The following TRPM8 variants were observed in gnomAD, a reference collection of about 807,000 sequenced individuals.
TRPM8 encodes the protein transient receptor potential cation channel subfamily M member 8, also known as TRPM8 cationic channel.
A neutral mutation model predicts 133.7 loss-of-function variants in TRPM8; 110 were observed. That is an observed-to-expected ratio of 0.82 (90% CI 0.70 to 0.96). TRPM8 has a LOEUF of 0.96. TRPM8 is among the 40% of genes least tolerant of loss of function. The pLI is 0.00. For synonymous variants in TRPM8, 535 were observed against 532.3 expected (o/e 1.01, Z -0.07); for missense variants, 1,291 against 1,379.5 (o/e 0.94, Z 1.02).
At chr2:233,936,453 T>C (rs1028739390) in intron 3 of TRPM8, among the ~76,000 whole-genome samples, 13 of 152,362 alleles carry the variant, frequency 8.5e-5, no homozygotes, top group African/African-American at 2.6e-4. Context: ...CGTGTTCATT[T>C]ACCGCACAGT....
In TRPM8 at chr2:233,983,169, G is replaced by A. The variant is rs746520338; in HGVS notation, c.2706G>A (p.Ser902=). 9.9e-6 allele frequency: 16 copies of A among 1,614,014 alleles called. No individual in the cohort carries two copies. The highest frequency in any genetic ancestry group is 1.3e-5 in the African/African-American group (1 of 74,900). The change falls in exon 20 of 26, where the codon TCG becomes TCA. Residue 902 remains serine, a synonymous_variant. Coordinates refer to ENST00000324695, the MANE Select transcript of TRPM8 (RefSeq NM_024080.5). ...NEQRWRWIFR[S]VIYEPYLAMF... The stretch of plus-strand genomic sequence containing the variant: ...AGCGCTGGAGGTGGATATTCCGTTC[G>A]GTCATCTACGAGCCCTACCTGGCCA...
At chr2:233,977,455 G>A (rs1691898527) in intron 17 of TRPM8, among the ~76,000 whole-genome samples, 1 of 152,210 alleles carries the variant, frequency 6.6e-6, no homozygotes, top group African/African-American at 2.4e-5. Flanking sequence ...CTTCATGTAG[G>A]TCAGGCTTCT....
At chr2:233,938,628 T>C (rs1690822830) in intron 4 of TRPM8, among the ~76,000 whole-genome samples, 1 of 151,772 alleles carries the variant, frequency 6.6e-6, no homozygotes, top group South Asian at 2.1e-4. Flanking sequence ...AGGTCATAAG[T>C]AGATAAGAGA....
intron 23 of TRPM8, among the ~76,000 whole-genome samples, chr2:234,007,344 G>T (rs1358377811): frequency 6.6e-6 from 1 of 152,186 alleles, no homozygotes; most frequent in Admixed American, 6.5e-5. Flanking sequence ...ATTTATCTTT[G>T]TGGTGAAGAA....
At chr2:233,949,445 C>T (rs139230558) in intron 8 of TRPM8, among the ~76,000 whole-genome samples, 152 of 152,234 alleles carry the variant, frequency 1.0e-3, no homozygotes, top group African/African-American at 3.5e-3. Context: ...TTTTTAATAA[C>T]AGGAGCAGGG....
intron 5 of TRPM8, among the ~76,000 whole-genome samples, chr2:233,939,939 A>G (rs1366104846): frequency 6.6e-6 from 1 of 152,214 alleles, no homozygotes; most frequent in Non-Finnish European, 1.5e-5. Flanking sequence ...ACCATGGACC[A>G]GTACTGCTAT....
chr2:234,003,040 T>TGTA, intron 22 of TRPM8, among the ~76,000 whole-genome samples: 1 of 152,204 alleles, frequency 6.6e-6, no homozygotes, highest in African/African-American at 2.4e-5. Flanking sequence ...TGGTGGCAAT[T>TGTA]AAGAAAAATT....
In TRPM8 at chr2:233,942,071, C is replaced by CTGTTTTT. The variant is rs1553656129; in HGVS notation, c.527-504_527-503insGTTTTTT. Among the ~76,000 whole-genome samples the CTGTTTTT allele has an allele frequency of 1.7e-3, 191 of 111,660 alleles. 27 individuals are homozygous for CTGTTTTT. The highest frequency in any genetic ancestry group is 6.7e-3 in the African/African-American group (172 of 25,630). 73.3% of individuals were successfully genotyped at this position (111,660 alleles called of 152,430 possible). On this transcript the variant is annotated intron_variant, in intron 5 of 25. Transcript: ENST00000324695. ...GCAGATCTGGAATAGGGTCAAGAAT[C>CTGTTTTT]TTTTTTTTTTTTTTTTTTTTCTTTT... is the stretch of plus-strand genomic sequence containing the variant.
At chr2:234,012,448 C>T (rs75090001) in intron 24 of TRPM8, among the ~76,000 whole-genome samples, 30,947 of 150,502 alleles carry the variant, frequency 0.21, 3,382 homozygotes, top group Middle Eastern at 0.3. Context: ...GCCCAGCAGT[C>T]CTAACAGTTT....
At chr2:233,953,817 C>T (rs989816426) in intron 9 of TRPM8, 100 bp from the exon 10 acceptor site, 13 of 782,260 alleles carry the variant, frequency 1.7e-5, no homozygotes, top group Admixed American at 2.6e-5. Flanking sequence ...AACTCCACTA[C>T]AGGTGGTCTT....
chr2:233,983,493 G>C, intron 20 of TRPM8: 1 of 445,176 alleles, frequency 2.2e-6, no homozygotes, highest in South Asian at 2.1e-5. Flanking sequence ...TGTGGCAATT[G>C]AAGGCAACAA....
chr2:233,953,714 T>C, intron 9 of TRPM8: 1 of 424,558 alleles, frequency 2.4e-6, no homozygotes, highest in Non-Finnish European at 4.3e-6. Context: ...TCTCAGCTTT[T>C]TGATAGGGGC....
intron 2 of TRPM8, among the ~76,000 whole-genome samples, chr2:233,927,851 C>CTCT (rs1559516462): frequency 2.7e-5 from 1 of 37,586 alleles, no homozygotes; most frequent in Admixed American, 2.9e-4. Flanking sequence ...TTCCTTCCTT[C>CTCT]CTTTCTTTCT....
intron 21 of TRPM8, among the ~76,000 whole-genome samples, chr2:233,987,113 G>T (rs1387782142): frequency 6.6e-6 from 1 of 152,178 alleles, no homozygotes; most frequent in African/African-American, 2.4e-5. Context: ...TCCTAAAGGT[G>T]TATGTACAAA....
At position 233,983,454 on chromosome 2, in the gene TRPM8, A is replaced by T. The variant is rs373739043; in HGVS notation, c.2761+230A>T. On this transcript the variant is annotated intron_variant, in intron 20 of 25. Coordinates refer to ENST00000324695, the MANE Select transcript of TRPM8 (RefSeq NM_024080.5). Reference sequence around the variant, plus strand: ...TTTCAATTTTTAAACCTTTTTAAAAATAGTGATTCTGGTATTTTCAATTAA... The same window carrying T: ...TTTCAATTTTTAAACCTTTTTAAAATTAGTGATTCTGGTATTTTCAATTAA... 41 of 531,832 alleles carry T rather than the reference A, an allele frequency of 7.7e-5. No individual in the cohort carries two copies. In the East Asian group the frequency reaches 8.2e-4, roughly 11 times the overall value. The allele number at this position is 531,832 out of a possible 1,614,324, so 32.9% of individuals were successfully genotyped here. A position where few individuals can be genotyped will look rare whatever the true frequency, so the allele number is the denominator to read the frequency against.
intron 15 of TRPM8, among the ~76,000 whole-genome samples, chr2:233,967,831 T>A (rs115559718): frequency 1.2e-4 from 19 of 152,048 alleles, no homozygotes; most frequent in Admixed American, 7.2e-4. Flanking sequence ...GCTTCCCAGG[T>A]GGGTCACACT....
At chr2:233,953,892 A>T in intron 9 of TRPM8, 25 bp from the exon 10 acceptor site, 1 of 1,586,402 alleles carries the variant, frequency 6.3e-7, no homozygotes, top group Non-Finnish European at 8.6e-7. Flanking sequence ...CTGTTGGCTG[A>T]CACTTTGTTC....
chr2:233,967,317 G>A (rs973063840), intron 15 of TRPM8, among the ~76,000 whole-genome samples: 1 of 152,234 alleles, frequency 6.6e-6, no homozygotes, highest in African/African-American at 2.4e-5. Flanking sequence ...GTTTGCACCT[G>A]GTGTCTTAGG....
At position 234,018,845 on chromosome 2, in the gene TRPM8, A is replaced by AAAAAT. The variant is rs71400709; in HGVS notation, c.*1592_*1593insATAAA. ...GGGTGACAGAGTGAGACTCCGACTG[A>AAAAAT]AAATAAATAAATAAATAAATAAATA... On this transcript the variant is annotated 3_prime_UTR_variant, in exon 26 of 26. Transcript: ENST00000324695. 2 of 141,830 alleles carry AAAAAT rather than the reference A, an allele frequency of 1.4e-5. No individual in the cohort carries two copies. Among genetic ancestry groups the AAAAAT allele is most frequent in the African/African-American group, 2.7e-5 (1 of 37,644 alleles). The allele number at this position is 141,830 out of a possible 1,614,324, so 8.8% of individuals were successfully genotyped here.
Sources: gnomAD v4.1 joint callset for allele counts (sites outside exome capture counted in the v4.1 genomes callset) on GRCh38, gnomAD v4.1.1 for gene constraint, MANE v1.5 for transcripts, NCBI Gene and HGNC (gene_info 2026-07-23, HGNC 2026-07-21) for gene names.